FRA10AC1: variants seen among roughly 807,000 people sequenced by gnomAD.
The protein encoded by FRA10AC1 is protein FRA10AC1.
Under a neutral mutation model 56.5 loss-of-function variants are expected in FRA10AC1, and 43 were observed. That is an observed-to-expected ratio of 0.76 (90% CI 0.60 to 0.98). The LOEUF is 0.98. Among genes scored for constraint, FRA10AC1 ranks in the 50% least tolerant of loss-of-function variants. FRA10AC1 has a pLI of 0.00. For synonymous variants in FRA10AC1, 112 were observed against 110.5 expected, an observed-to-expected ratio of 1.01 and a Z score of -0.09; for missense variants, 346 against 351.8, an observed-to-expected ratio of 0.98 and a Z score of 0.13.
At chr10:93,691,353 T>G (rs886310154) in intron 7 of FRA10AC1, among the ~76,000 whole-genome samples, 2 of 152,086 alleles carry the variant, frequency 1.3e-5, no homozygotes, top group South Asian at 4.1e-4. Context: ...TTTTTTTTAG[T>G]TTTTGTGGAG....
chr10:93,699,895 T>A (rs941033526), intron 2 of FRA10AC1, 135 bp downstream of exon 2: 7 of 567,798 alleles, frequency 1.2e-5, no homozygotes, highest in Non-Finnish European at 1.8e-5. Flanking sequence ...ATTAGCTTAA[T>A]GAACAAAAAT....
rs2059305767 is a variant in FRA10AC1, at chr10:93,700,110, T to A, written c.1-4A>T. On this transcript the variant is annotated splice_region_variant and splice_polypyrimidine_tract_variant and intron_variant, in intron 1 of 13. Coordinates refer to ENST00000359204, the MANE Select transcript of FRA10AC1 (RefSeq NM_145246.5). The stretch of plus-strand genomic sequence containing the variant: ...CATAGCCTCCATGACCATGCATCTG[T>A]AAAGGAGTACAAAGTCAGCTATTTA... 1 of 1,555,174 alleles carries A rather than the reference T, an allele frequency of 6.4e-7. No individual in the cohort carries two copies. Among genetic ancestry groups the A allele is most frequent in the South Asian group, 1.1e-5 (1 of 88,652 alleles).
At position 93,676,694 on chromosome 10, in the gene FRA10AC1, G is replaced by C; in HGVS notation, c.788-3C>G. The C allele has an allele frequency of 6.4e-7, 1 of 1,568,404 alleles. No homozygotes were observed. Among genetic ancestry groups the C allele is most frequent in the Non-Finnish European group, 8.6e-7 (1 of 1,161,636 alleles). ...AGATTTCTTTGAAGATGAATGTCCTGAAAAGGAAACATCATTGATTTATTA... is the reference window on the plus strand; with the variant it reads ...AGATTTCTTTGAAGATGAATGTCCTCAAAAGGAAACATCATTGATTTATTA... On this transcript the variant is annotated splice_region_variant and splice_polypyrimidine_tract_variant and intron_variant, in intron 11 of 13. Transcript: ENST00000359204.
intron 12 of FRA10AC1, chr10:93,675,099 T>G (rs2058820855): frequency 1.3e-5 from 2 of 152,286 alleles, no homozygotes; most frequent in African/African-American, 4.8e-5. Flanking sequence ...TCAAATATGT[T>G]GAAAACAAAG....
Position 93,695,745 on chromosome 10 carries a change from AGAG to A in FRA10AC1, c.220-811_220-809del, listed in dbSNP as rs759648180. Among the ~76,000 whole-genome samples the A allele has an allele frequency of 2.6e-3, 393 of 151,644 alleles. 1 individual carries two copies. The highest frequency in any genetic ancestry group is 4.7e-3 in the Non-Finnish European group (322 of 67,852). ...GTTAATATTTCAGGAAAAAAAAAAA[AGAG>A]AGAGACAGAAAAACCAAATACCTGG... On this transcript the variant is annotated intron_variant, in intron 4 of 13. Transcript: ENST00000359204.
At position 93,695,029 on chromosome 10, in the gene FRA10AC1, G is replaced by C. The variant is rs2133937733; in HGVS notation, c.220-92C>G. ...TTGGTGGTAAAAAAAAGCACAATATGAGTCTATTTAGCTTTTTAAAAATAT... is the reference window on the plus strand; with the variant it reads ...TTGGTGGTAAAAAAAAGCACAATATCAGTCTATTTAGCTTTTTAAAAATAT... On this transcript the variant is annotated intron_variant, in intron 4 of 13. Coordinates refer to ENST00000359204, the MANE Select transcript of FRA10AC1 (RefSeq NM_145246.5). 5.6e-6 allele frequency: 4 copies of C among 711,594 alleles called. No homozygotes were observed. The Admixed American group carries it at 6.8e-5, about 12-fold the overall frequency. The allele number at this position is 711,594 out of a possible 1,614,324, so 44.1% of individuals were successfully genotyped here. A position where few individuals can be genotyped will look rare whatever the true frequency, so the allele number is the denominator to read the frequency against.
intron 12 of FRA10AC1, chr10:93,674,729 G>A (rs2133895728): frequency 6.6e-6 from 1 of 152,302 alleles, no homozygotes; most frequent in Non-Finnish European, 1.5e-5. Context: ...GTGGGAAGGA[G>A]AAGGCAGGCA....
Position 93,698,336 on chromosome 10 carries a change from C to A in FRA10AC1, c.138G>T (p.Val46=). ...KPFQKEKHGK[V]AHKQVAAELL... ...ATTCTGCTGCAACTTGTTTATGGGC[C>A]ACCTTTCCATGTTTTTCTTTCTGAA... The change falls in exon 3 of 14, where the codon GTG becomes GTT. Residue 46 remains valine, a synonymous_variant. Transcript: ENST00000359204. The A allele has an allele frequency of 6.2e-7, 1 of 1,611,902 alleles. No individual in the cohort carries two copies. The highest frequency in any genetic ancestry group is 1.1e-5 in the South Asian group (1 of 90,766).
At chr10:93,673,927 A>G in intron 12 of FRA10AC1, 1 of 246,596 alleles carries the variant, frequency 4.1e-6, no homozygotes, top group Non-Finnish European at 8.2e-6. Flanking sequence ...GATTTCACTG[A>G]TGAACAGTTA....
chr10:93,687,268 T>C (rs1165889918), intron 8 of FRA10AC1, 136 bp downstream of exon 8: 14 of 634,210 alleles, frequency 2.2e-5, no homozygotes. Flanking sequence ...TAATGTATCA[T>C]GAATACACCT....
chr10:93,694,875 G>T lies in FRA10AC1; in HGVS notation c.282C>A (p.Asp94Glu). 1 of 1,585,952 alleles carries T rather than the reference G, an allele frequency of 6.3e-7. No individual in the cohort carries two copies. Among genetic ancestry groups the T allele is most frequent in the Non-Finnish European group, 8.7e-7 (1 of 1,154,514 alleles). ...CTGATACTTACCCCAAACGCTTGAA[G>T]TCTTCTTTTTTGCCACCATAGTATA... ...YILYYGGKKE[D>E]FKRLGENDKT... Residue 94 changes from aspartate to glutamate, a missense_variant, in exon 5 of 14, where the codon GAC becomes GAA. By Grantham distance (45) the Asp-to-Glu change is conservative. Transcript: ENST00000359204.
At chr10:93,671,495 T>C (rs897574387) in intron 12 of FRA10AC1, 1 of 153,086 alleles carries the variant, frequency 6.5e-6, no homozygotes, top group Non-Finnish European at 1.5e-5. Flanking sequence ...TTTTAGGAAT[T>C]TGATTACTTA....
intron 5 of FRA10AC1, among the ~76,000 whole-genome samples, chr10:93,693,019 T>G (rs1305833072): frequency 2.0e-5 from 3 of 152,094 alleles, no homozygotes; most frequent in Non-Finnish European, 4.4e-5. Flanking sequence ...GAAACCTGAC[T>G]AAACACTAAA....
intron 10 of FRA10AC1, among the ~76,000 whole-genome samples, chr10:93,682,072 GA>G (rs1482301830): frequency 6.6e-6 from 1 of 152,062 alleles, no homozygotes; most frequent in Non-Finnish European, 1.5e-5. Context: ...AAGCATAATG[GA>G]ATGAAAATGG....
intron 2 of FRA10AC1, among the ~76,000 whole-genome samples, chr10:93,699,752 A>G (rs1388038639): frequency 6.6e-6 from 1 of 152,254 alleles, no homozygotes; most frequent in Admixed American, 6.5e-5. Context: ...TGAAAAATAT[A>G]TGTAATGAAA....
At position 93,699,379 on chromosome 10, in the gene FRA10AC1, G is replaced by A. The variant is rs147568046; in HGVS notation, c.77+651C>T. ...TGCTTAAAAAAATCAGTCAACAGCC[G>A]TGTAAGTTTGGTTAGTATACATCAG... is the stretch of plus-strand genomic sequence containing the variant. On this transcript the variant is annotated intron_variant, in intron 2 of 13. Coordinates refer to ENST00000359204, the MANE Select transcript of FRA10AC1 (RefSeq NM_145246.5). 1.6e-3 allele frequency among the ~76,000 whole-genome samples: 239 copies of A among 152,146 alleles called. 2 individuals are homozygous for A. The highest frequency in any genetic ancestry group is 5.2e-3 in the African/African-American group (214 of 41,524).
At chr10:93,700,451 CTG>C (rs773536926) in intron 1 of FRA10AC1, among the ~76,000 whole-genome samples, 1 of 152,202 alleles carries the variant, frequency 6.6e-6, no homozygotes, top group Non-Finnish European at 1.5e-5. Flanking sequence ...GTAATAATCA[CTG>C]TGTGTTTATC....
intron 5 of FRA10AC1, among the ~76,000 whole-genome samples, chr10:93,693,509 C>T (rs1406731376): frequency 0.12 from 2,282 of 19,056 alleles, 249 homozygotes; most frequent in African/African-American, 0.2. Context: ...TATATATATA[C>T]ACCATATATA....
intron 11 of FRA10AC1, among the ~76,000 whole-genome samples, 176 bp from the exon 12 acceptor site, chr10:93,676,867 G>A (rs1387481062): frequency 4.6e-5 from 7 of 151,774 alleles, no homozygotes; most frequent in African/African-American, 1.7e-4. Context: ...AAAATGTTAC[G>A]TTCTTTTAGG....
Sources: gnomAD v4.1 joint callset for allele counts (sites outside exome capture counted in the v4.1 genomes callset) on GRCh38, gnomAD v4.1.1 for gene constraint, MANE v1.5 for transcripts, NCBI Gene and HGNC (gene_info 2026-07-23, HGNC 2026-07-21) for gene names.